The following INTS1 variants were observed in gnomAD, a reference collection of about 807,000 sequenced individuals.
The protein encoded by INTS1 is integrator complex subunit 1.
A neutral mutation model predicts 241.6 loss-of-function variants in INTS1; 137 were observed. The ratio of observed to expected loss-of-function variants is 0.57; its 90% CI spans 0.49 to 0.65. The LOEUF is 0.65. Ranked by LOEUF, INTS1 falls within the 30% of genes least tolerant of loss-of-function variation. The pLI, the probability that INTS1 is intolerant of heterozygous loss-of-function variation, is 0.00. For missense variants in INTS1, 3,073 were observed against 3,032.2 expected (o/e 1.01, Z -0.32); for synonymous variants, 1,692 against 1,337.8 (o/e 1.26, Z -5.78).
intron 44 of INTS1, among the ~76,000 whole-genome samples, chr7:1,471,949 T>C (rs1303175297): frequency 6.6e-6 from 1 of 152,148 alleles, no homozygotes; most frequent in Non-Finnish European, 1.5e-5. Context: ...GGCTGTCCTC[T>C]GACAGCGGCC....
At chr7:1,491,159 G>A (rs1782530566) in intron 16 of INTS1, among the ~76,000 whole-genome samples, 1 of 152,240 alleles carries the variant, frequency 6.6e-6, no homozygotes, top group African/African-American at 2.4e-5. Context: ...GGGAGCGTGG[G>A]GCAGCCCCAG....
chr7:1,473,482 C>A, intron 42 of INTS1, 84 bp downstream of exon 42: 2 of 1,482,806 alleles, frequency 1.3e-6, no homozygotes, highest in Non-Finnish European at 1.8e-6. Flanking sequence ...TCTGACACGA[C>A]ACGGCCTTCC....
rs543370673 is a variant in INTS1 at position 1,470,906 on chromosome 7, C to T, written c.6397G>A (p.Asp2133Asn). ...PTFMYCLGSQ[D>N]FEVVQTALRN... is the part of the protein sequence containing the mutation. The stretch of plus-strand genomic sequence containing the variant: ...AGGGCCGTCTGCACCACCTCAAAGT[C>T]CTGGCTGCCCAGGCAGTACATGAAC... Residue 2133 changes from aspartate (D) to asparagine (N), a missense_variant, in exon 47 of 48, where the codon GAC becomes AAC. Physicochemically the swap from Asp to Asn is conservative, Grantham distance 23. Transcript: ENST00000404767. 1 of 1,590,328 alleles carries T rather than the reference C, an allele frequency of 6.3e-7. No individual in the cohort carries two copies. Among genetic ancestry groups the T allele is most frequent in the East Asian group, 2.3e-5 (1 of 43,414 alleles).
intron 8 of INTS1, 34 bp downstream of exon 8, chr7:1,498,941 C>CGGGGG: frequency 7.4e-7 from 1 of 1,344,084 alleles, no homozygotes; most frequent in Non-Finnish European, 1.0e-6. Flanking sequence ...CCCCCACCCC[C>CGGGGG]TGCCCCGCCC....
chr7:1,498,365 G>A (rs371612626), intron 10 of INTS1, 47 bp downstream of exon 10: 21 of 1,607,380 alleles, frequency 1.3e-5, no homozygotes, highest in Admixed American at 1.0e-4. Context: ...CCAGCCCAGA[G>A]CCCCATATTC....
chr7:1,476,120 A>T, intron 38 of INTS1, 49 bp from the exon 39 acceptor site: 1 of 1,527,744 alleles, frequency 6.5e-7, no homozygotes, highest in East Asian at 2.5e-5. Context: ...CCCCAGTGAC[A>T]GGGGTGGGTG....
At position 1,483,851 on chromosome 7, in the gene INTS1, C is replaced by A. The variant is rs578067829; in HGVS notation, c.3432G>T (p.Ser1144=). ...SKEGEEVYSW[S]ESQDQVFLRW... ...GTAGGAAGACCTGGTCCTGAGACTC[C>A]GACTGTGGGAAAAGAGGTGGAGTCA... The change falls in exon 26 of 48, where the codon TCG becomes TCT. Residue 1144 remains serine (S), a splice_region_variant and synonymous_variant. Transcript: ENST00000404767. The A allele has an allele frequency of 1.2e-6, 2 of 1,607,590 alleles. No homozygotes were observed. The highest frequency in any genetic ancestry group is 1.1e-5 in the South Asian group (1 of 90,986).
chr7:1,474,371 G>C lies in INTS1; in HGVS notation c.5637-11C>G. 1.9e-6 allele frequency: 3 copies of C among 1,579,604 alleles called. No individual in the cohort carries two copies. Among genetic ancestry groups the C allele is most frequent in the Non-Finnish European group, 2.6e-6 (3 of 1,163,240 alleles). On this transcript the variant is annotated splice_polypyrimidine_tract_variant and intron_variant, in intron 40 of 47. Coordinates refer to ENST00000404767, the MANE Select transcript of INTS1 (RefSeq NM_001080453.3). ...ATCATGGGCAGGTGCCTGCGGGCGC[G>C]GTGAGGGCCCAGTCAGCCCCGGCCG...
Position 1,495,435 on chromosome 7 carries a change from G to A in INTS1, c.1830C>T (p.His610=), listed in dbSNP as rs1394576486. ...GCTGTACAGGGCCCCAGCCGCACCA[G>A]TGCACGTAGTCCTTAGGGGCGAGCT... ...ISKLAPKDYV[H]CLHKVLFTEQ... is the part of the protein sequence containing the mutation. The change falls in exon 13 of 48, where the codon CAC becomes CAT. Residue 610 remains histidine (H), a splice_region_variant and synonymous_variant. Coordinates refer to ENST00000404767, the MANE Select transcript of INTS1 (RefSeq NM_001080453.3). The A allele has an allele frequency of 6.2e-7, 1 of 1,610,604 alleles. No homozygotes were observed.
intron 24 of INTS1, 45 bp downstream of exon 24, chr7:1,485,053 G>A (rs967459042): frequency 1.0e-5 from 10 of 990,602 alleles, no homozygotes; most frequent in Admixed American, 4.8e-5. Flanking sequence ...GGCTGGCCCC[G>A]TCCCCTCCCC....
Position 1,481,315 on chromosome 7 carries a change from C to G in INTS1, c.3850+27G>C, listed in dbSNP as rs114874117. 4,667 of 1,612,208 alleles carry G rather than the reference C, an allele frequency of 2.9e-3. 91 individuals are homozygous for G. The African/African-American group carries it at 0.046, about 16-fold the overall frequency. ...TGGGGCTCGGTCAGCGTGTGTGAACCCACTCCGCAGGTCCCTGGCATCTTA... is the reference window on the plus strand; with the variant it reads ...TGGGGCTCGGTCAGCGTGTGTGAACGCACTCCGCAGGTCCCTGGCATCTTA... On this transcript the variant is annotated intron_variant, in intron 28 of 47. Coordinates refer to ENST00000404767, the MANE Select transcript of INTS1 (RefSeq NM_001080453.3). The surrounding 1 kb of genome is among the most constrained non-coding windows in gnomAD (Gnocchi z 6.8).
Position 1,489,377 on chromosome 7 carries a change from G to A in INTS1, c.2285C>T (p.Thr762Ile). 2 of 1,609,518 alleles carry A rather than the reference G, an allele frequency of 1.2e-6. No individual in the cohort carries two copies. Among genetic ancestry groups the A allele is most frequent in the Non-Finnish European group, 1.7e-6 (2 of 1,178,594 alleles). Residue 762 changes from threonine to isoleucine, a missense_variant, in exon 18 of 48, where the codon ACC becomes ATC. Transcript: ENST00000404767. ...CACCATCTCCATGAGCATCTTCAGG[G>A]TCGGGTACTCCTCCCACGCAGCCAG... ...IGLAAWEEYPTLKMLMEMVMT... is the reference protein window; with the variant it reads ...IGLAAWEEYPILKMLMEMVMT...
chr7:1,497,185 G>A lies in INTS1; in HGVS notation c.1555C>T (p.Leu519Phe). The change falls in exon 11 of 48, where the codon CTC becomes TTC. Residue 519 changes from leucine to phenylalanine, a missense_variant. By Grantham distance (22) the Leu-to-Phe change is conservative (BLOSUM62 0). Transcript: ENST00000404767. This position sits in a 1 kb window ranked among gnomAD's most constrained non-coding sequence, Gnocchi z 5.3. ...TGCGGCTCCTTGCGCTCCTGCATGAGCCCCAGGCAGAAGGCCTGGAAGTTG... is the reference window on the plus strand; with the variant it reads ...TGCGGCTCCTTGCGCTCCTGCATGAACCCCAGGCAGAAGGCCTGGAAGTTG... ...EINFQAFCLG[L>F]MQERKEPQYL... is the part of the protein sequence containing the mutation. 6.2e-7 allele frequency: 1 copy of A among 1,611,348 alleles called. No homozygotes were observed. The highest frequency in any genetic ancestry group is 1.7e-5 in the Admixed American group (1 of 59,742).
At chr7:1,484,806 C>A (rs911239953) in intron 24 of INTS1, among the ~76,000 whole-genome samples, 3 of 152,164 alleles carry the variant, frequency 2.0e-5, no homozygotes, top group African/African-American at 4.8e-5. Context: ...CAGGTGGCCA[C>A]GGGGTCATAG....
chr7:1,471,867 C>T, intron 44 of INTS1: 2 of 594,688 alleles, frequency 3.4e-6, no homozygotes, highest in Non-Finnish European at 6.0e-6. Context: ...CCCCTCACGG[C>T]AGCCCCATAT....
At position 1,498,568 on chromosome 7, in the gene INTS1, G is replaced by A. The variant is rs1451853997; in HGVS notation, c.1284-15C>T. 3.7e-6 allele frequency: 6 copies of A among 1,612,846 alleles called. No homozygotes were observed. The highest frequency in any genetic ancestry group is 2.2e-5 in the South Asian group (2 of 91,052). Reference sequence around the variant, plus strand: ...TCAGCAGCTCCCTGGGTGAGGTGAGGGTACAGACCCTGTCCCCGCTACGCC... The same window carrying A: ...TCAGCAGCTCCCTGGGTGAGGTGAGAGTACAGACCCTGTCCCCGCTACGCC... On this transcript the variant is annotated splice_polypyrimidine_tract_variant and intron_variant, in intron 9 of 47. Coordinates refer to ENST00000404767, the MANE Select transcript of INTS1 (RefSeq NM_001080453.3).
Position 1,499,065 on chromosome 7 carries a change from G to A in INTS1, c.1047C>T (p.Asn349=), listed in dbSNP as rs764855015. 3.4e-5 allele frequency: 54 copies of A among 1,605,458 alleles called. No homozygotes were observed. In the African/African-American group the frequency reaches 6.4e-4, roughly 19 times the overall value. Residue 349 remains asparagine, a synonymous_variant, in exon 8 of 48, where the codon AAC becomes AAT. Transcript: ENST00000404767. ...RRQPIDNVSR[N]LLRLLTSTCG... is the part of the protein sequence containing the mutation. ...AGGTGGAGGTGAGGAGCCGCAGGAG[G>A]TTCCTGGAGACGTTGTCGATGGGCT...
At chr7:1,472,570 T>C (rs1439216629) in intron 43 of INTS1, among the ~76,000 whole-genome samples, 184 bp from the exon 44 acceptor site, 1 of 152,194 alleles carries the variant, frequency 6.6e-6, no homozygotes, top group East Asian at 1.9e-4. Context: ...ATCCGGCGCA[T>C]GCACCTCTGC....
chr7:1,496,450 G>A (rs373757331), intron 11 of INTS1, among the ~76,000 whole-genome samples, 186 bp from the exon 12 acceptor site: 5 of 149,800 alleles, frequency 3.3e-5, no homozygotes, highest in Middle Eastern at 3.4e-3. Flanking sequence ...CCACACCCAC[G>A]TGGGCGCGGC....
Sources: gnomAD v4.1 joint callset for allele counts (sites outside exome capture counted in the v4.1 genomes callset) on GRCh38, gnomAD v4.1.1 for gene constraint, Gnocchi (gnomAD v3.1) non-coding constraint, MANE v1.5 for transcripts, NCBI Gene and HGNC (gene_info 2026-07-23, HGNC 2026-07-21) for gene names.